The following PLPPR4 variants were observed in gnomAD, a reference collection of about 807,000 sequenced individuals.
PLPPR4 encodes the protein phospholipid phosphatase-related protein type 4.
PLPPR4 carries 24 observed loss-of-function variants against 56.6 expected under a neutral mutation model. That is an observed-to-expected ratio of 0.42 (90% CI 0.31 to 0.60). The LOEUF is 0.60. Among genes scored for constraint, PLPPR4 ranks in the 20% least tolerant of loss-of-function variants. PLPPR4 has a pLI of 0.13. For missense variants in PLPPR4, 654 were observed against 885.8 expected (o/e 0.74, Z 3.32); for synonymous variants, 326 against 328.1 (o/e 0.99, Z 0.07).
intron 6 of PLPPR4, among the ~76,000 whole-genome samples, chr1:99,303,440 A>G (rs930882656): frequency 2.0e-5 from 3 of 152,152 alleles, no homozygotes; most frequent in Non-Finnish European, 4.4e-5. Context: ...TTGGAGAAGG[A>G]TATTTAATGG....
At chr1:99,301,057 C>A in intron 5 of PLPPR4, 91 bp downstream of exon 5, 2 of 1,124,238 alleles carry the variant, frequency 1.8e-6, no homozygotes, top group Non-Finnish European at 2.7e-6. Context: ...GATGATATAA[C>A]CATGTAATAA....
At chr1:99,304,146 T>C (rs1659954854) in intron 6 of PLPPR4, among the ~76,000 whole-genome samples, 1 of 152,194 alleles carries the variant, frequency 6.6e-6, no homozygotes, top group African/African-American at 2.4e-5. Context: ...GATATTTTGG[T>C]CAACCATGGA....
intron 3 of PLPPR4, 113 bp from the exon 4 acceptor site, chr1:99,298,922 A>G: frequency 1.2e-6 from 1 of 805,702 alleles, no homozygotes; most frequent in South Asian, 1.4e-5. Context: ...AAATCAACTT[A>G]GAGAAAATGA....
intron 4 of PLPPR4, 71 bp downstream of exon 4, chr1:99,299,301 T>C: frequency 8.6e-6 from 9 of 1,042,862 alleles, no homozygotes; most frequent in Non-Finnish European, 1.3e-5. Context: ...AGTATCACTT[T>C]AAGCATGCCT....
In PLPPR4 at chr1:99,264,535, T is replaced by A; in HGVS notation, c.-59T>A. ...TTGGGGCTGGAGGAGGCAGCTCGCC[T>A]CAGCTGCGCTGTGCACACCTCGCCC... On this transcript the variant is annotated 5_prime_UTR_variant, in exon 1 of 7. Coordinates refer to ENST00000370185, the MANE Select transcript of PLPPR4 (RefSeq NM_014839.5). 1 of 1,551,226 alleles carries A rather than the reference T, an allele frequency of 6.4e-7. No homozygotes were observed. The highest frequency in any genetic ancestry group is 2.0e-5 in the Admixed American group (1 of 51,112).
chr1:99,299,496 A>G (rs1467242520), intron 4 of PLPPR4, among the ~76,000 whole-genome samples: 1 of 151,984 alleles, frequency 6.6e-6, no homozygotes, highest in Non-Finnish European at 1.5e-5. Flanking sequence ...GATCAATCCT[A>G]TACTCATTAT....
intron 1 of PLPPR4, among the ~76,000 whole-genome samples, chr1:99,276,117 G>T (rs970290004): frequency 6.6e-6 from 1 of 152,116 alleles, no homozygotes; most frequent in Non-Finnish European, 1.5e-5. Flanking sequence ...TTTCAAAAAT[G>T]AAACTTAAAT....
intron 4 of PLPPR4, among the ~76,000 whole-genome samples, chr1:99,300,486 A>T (rs1035257475): frequency 2.6e-5 from 4 of 152,028 alleles, no homozygotes; most frequent in Non-Finnish European, 4.4e-5. Flanking sequence ...TTCATTTTTT[A>T]AAATTTTTAT....
intron 1 of PLPPR4, among the ~76,000 whole-genome samples, chr1:99,280,031 G>A (rs975021405): frequency 6.6e-6 from 1 of 152,150 alleles, no homozygotes; most frequent in South Asian, 2.1e-4. Flanking sequence ...AGTAGAGAAT[G>A]TGTTTAAGAG....
chr1:99,272,498 G>A (rs11166208), intron 1 of PLPPR4, among the ~76,000 whole-genome samples: 2,204 of 152,112 alleles, frequency 0.014, 29 homozygotes, highest in African/African-American at 0.038. Flanking sequence ...AACAAATTGC[G>A]CTGGCTGTTT....
At chr1:99,286,305 G>T (rs923882600) in intron 1 of PLPPR4, among the ~76,000 whole-genome samples, 10 of 151,948 alleles carry the variant, frequency 6.6e-5, no homozygotes, top group Non-Finnish European at 1.3e-4. Context: ...TTAAATTAAG[G>T]TTTACACATT....
At chr1:99,264,251 C>T (rs1658830626), upstream of PLPPR4, 2 of 567,200 alleles carry the variant, frequency 3.5e-6, no homozygotes, top group South Asian at 2.5e-5. Flanking sequence ...CTTGGAGCGT[C>T]GCAAGGGCGG....
Position 99,269,044 on chromosome 1 carries a change from T to G in PLPPR4, c.78+4373T>G, listed in dbSNP as rs1658983106. ...TGCACCCATCAACCTGCCACCTATA[T>G]TAGGTATTTCTCCTAATACTATCCA... On this transcript the variant is annotated intron_variant, in intron 1 of 6. Transcript: ENST00000370185. 3.9e-5 allele frequency among the ~76,000 whole-genome samples: 6 copies of G among 152,292 alleles called. No individual in the cohort carries two copies. In the South Asian group the frequency reaches 1.2e-3, roughly 32 times the overall value.
At position 99,288,013 on chromosome 1, in the gene PLPPR4, A is replaced by G; in HGVS notation, c.127A>G (p.Thr43Ala). Residue 43 changes from threonine (T) to alanine (A), a missense_variant, in exon 2 of 7, where the codon ACA (threonine) becomes GCA (alanine). Coordinates refer to ENST00000370185, the MANE Select transcript of PLPPR4 (RefSeq NM_014839.5). Reference sequence around the variant, plus strand: ...GGTTAGCCTCTATTTCCTCGAACTCACAGATGTCTTCAAACCTGTGCACTC... The same window carrying G: ...GGTTAGCCTCTATTTCCTCGAACTCGCAGATGTCTTCAAACCTGTGCACTC... ...SVVSLYFLEL[T>A]DVFKPVHSGF... 1 of 1,613,728 alleles carries G rather than the reference A, an allele frequency of 6.2e-7. No individual in the cohort carries two copies. The highest frequency in any genetic ancestry group is 8.5e-7 in the Non-Finnish European group (1 of 1,179,832).
upstream of PLPPR4, chr1:99,263,823 T>C (rs1471006998): frequency 1.3e-5 from 2 of 152,280 alleles, no homozygotes; most frequent in Admixed American, 1.3e-4. Context: ...CCATTACCTG[T>C]GCATTCACAC....
intron 1 of PLPPR4, among the ~76,000 whole-genome samples, chr1:99,270,044 T>G (rs907678749): frequency 2.2e-5 from 3 of 134,834 alleles, no homozygotes; most frequent in Admixed American, 7.5e-5. Flanking sequence ...TGTGTGTGTG[T>G]GGCAGGGTCT....
chr1:99,274,970 G>A (rs574086822), intron 1 of PLPPR4, among the ~76,000 whole-genome samples: 2 of 152,134 alleles, frequency 1.3e-5, no homozygotes, highest in Non-Finnish European at 2.9e-5. Flanking sequence ...TTAGTCTTTG[G>A]GAATGAGTCA....
At chr1:99,304,200 G>A (rs1341019550) in intron 6 of PLPPR4, among the ~76,000 whole-genome samples, 1 of 152,124 alleles carries the variant, frequency 6.6e-6, no homozygotes, top group East Asian at 1.9e-4. Flanking sequence ...TTAGAGTACT[G>A]AATTTTTTCT....
At chr1:99,266,289 C>T (rs1033491462) in intron 1 of PLPPR4, among the ~76,000 whole-genome samples, 1 of 152,166 alleles carries the variant, frequency 6.6e-6, no homozygotes, top group Non-Finnish European at 1.5e-5. Flanking sequence ...GGCTGAGTTC[C>T]ATCTCCAGGA....
Sources: allele counts gnomAD v4.1 joint callset (sites outside exome capture counted in the v4.1 genomes callset), GRCh38; gene constraint gnomAD v4.1.1; transcripts MANE v1.5; gene names NCBI Gene and HGNC (gene_info 2026-07-23, HGNC 2026-07-21).